Variants in NCKAP5 observed in about 807,000 individuals in gnomAD.
NCKAP5 encodes the protein NCK associated protein 5, also known as nck-associated protein 5.
A neutral mutation model predicts 167.0 loss-of-function variants in NCKAP5; 92 were observed. The ratio of observed to expected loss-of-function variants is 0.55; its 90% CI spans 0.47 to 0.66. NCKAP5 has a LOEUF of 0.66. NCKAP5 is among the 30% of genes least tolerant of loss of function. NCKAP5 has a pLI of 0.00. For synonymous variants in NCKAP5, 891 were observed against 877.4 expected, an observed-to-expected ratio of 1.02 and a Z score of -0.27; for missense variants, 2,378 against 2,315.0, an observed-to-expected ratio of 1.03 and a Z score of -0.56.
At chr2:133,004,008 G>T (rs1330203106) in intron 6 of NCKAP5, among the ~76,000 whole-genome samples, 1 of 152,160 alleles carries the variant, frequency 6.6e-6, no homozygotes, top group Non-Finnish European at 1.5e-5. Context: ...TGGAGTAGAA[G>T]GAACTCCCCT....
rs2083896529 is a variant in NCKAP5, at chr2:133,163,850, T to C, written c.208-33739A>G. ...TATGAGATGAATTCCAATTCAAAGA[T>C]TCCTGTTATTTGGAGCCAGTCCCGT... is the stretch of plus-strand genomic sequence containing the variant. On this transcript the variant is annotated intron_variant, in intron 5 of 19. Coordinates refer to ENST00000409261, the MANE Select transcript of NCKAP5 (RefSeq NM_207363.3). Among the ~76,000 whole-genome samples, 8 of 152,346 alleles carry C rather than the reference T, an allele frequency of 5.3e-5. No homozygotes were observed. In the South Asian group the frequency reaches 1.4e-3, roughly 28 times the overall value.
chr2:132,699,286 G>A (rs778761361), intron 19 of NCKAP5, among the ~76,000 whole-genome samples: 5 of 152,196 alleles, frequency 3.3e-5, no homozygotes, highest in Non-Finnish European at 5.9e-5. Context: ...CATGGATGAT[G>A]CATTCAGGCT....
intron 2 of NCKAP5, among the ~76,000 whole-genome samples, chr2:133,521,058 C>T (rs1684431590): frequency 6.6e-6 from 1 of 152,144 alleles, no homozygotes; most frequent in Non-Finnish European, 1.5e-5. Flanking sequence ...AACAAAATGG[C>T]AACCAGGATG....
At chr2:133,515,381 G>A (rs529558242) in intron 3 of NCKAP5, among the ~76,000 whole-genome samples, 1 of 152,280 alleles carries the variant, frequency 6.6e-6, no homozygotes, top group South Asian at 2.1e-4. Context: ...GATAGGAAAG[G>A]ACATCCTTTT....
chr2:133,231,286 G>A (rs2087135323), intron 4 of NCKAP5, among the ~76,000 whole-genome samples: 1 of 152,192 alleles, frequency 6.6e-6, no homozygotes, highest in African/African-American at 2.4e-5. Context: ...GGATGACTGT[G>A]TTTAAAAGGA....
At chr2:133,614,110 G>A in the NCKAP5 span, among the ~76,000 whole-genome samples, 6 of 152,242 alleles carry the variant, frequency 3.9e-5, no homozygotes, top group East Asian at 3.9e-4. Context: ...TAGAGAATCC[G>A]CAGAGCCTTT....
chr2:133,355,019 A>G (rs1032779973), intron 3 of NCKAP5, among the ~76,000 whole-genome samples: 1 of 152,244 alleles, frequency 6.6e-6, no homozygotes, highest in Non-Finnish European at 1.5e-5. Context: ...AGGCCTTCAC[A>G]TAGAATCAAA....
chr2:133,203,647 G>A (rs763594505), intron 5 of NCKAP5, among the ~76,000 whole-genome samples: 2 of 151,992 alleles, frequency 1.3e-5, no homozygotes, highest in African/African-American at 4.8e-5. Context: ...CTCTGCCTCC[G>A]GTATCTGACT....
the NCKAP5 span, among the ~76,000 whole-genome samples, chr2:133,648,435 C>G: frequency 6.6e-6 from 1 of 151,960 alleles, no homozygotes; most frequent in Non-Finnish European, 1.5e-5. Context: ...CCAAATATTC[C>G]AAACAAAAGC....
At chr2:133,632,142 CA>C in the NCKAP5 span, among the ~76,000 whole-genome samples, 1 of 152,122 alleles carries the variant, frequency 6.6e-6, no homozygotes, top group Admixed American at 6.5e-5. Context: ...GAGTGTTCAC[CA>C]GGGGGAGGAC....
chr2:132,938,984 GGAGGA>G (rs1160488989), intron 8 of NCKAP5, among the ~76,000 whole-genome samples: 1 of 152,132 alleles, frequency 6.6e-6, no homozygotes, highest in African/African-American at 2.4e-5. Flanking sequence ...AACAAGGACA[GGAGGA>G]GAGGAATTAC....
At chr2:133,189,517 T>C (rs2085111152) in intron 5 of NCKAP5, among the ~76,000 whole-genome samples, 1 of 152,132 alleles carries the variant, frequency 6.6e-6, no homozygotes, top group Admixed American at 6.5e-5. Context: ...CTGATGAACA[T>C]CGATTCAAAA....
rs572466604 is a variant in NCKAP5 at position 133,189,804 on chromosome 2, C to T, written c.207+23912G>A. Among the ~76,000 whole-genome samples, 3 of 152,242 alleles carry T rather than the reference C, an allele frequency of 2.0e-5. No homozygotes were observed. The South Asian group carries it at 6.2e-4, about 32-fold the overall frequency. On this transcript the variant is annotated intron_variant, in intron 5 of 19. Transcript: ENST00000409261. ...TAATAAGAGCTATTTATGACAAACC[C>T]ACAGCCAATATCATCCTGAATGGGC...
intron 6 of NCKAP5, among the ~76,000 whole-genome samples, chr2:133,035,287 A>C (rs979274626): frequency 1.3e-5 from 2 of 152,050 alleles, no homozygotes; most frequent in Admixed American, 1.3e-4. Context: ...AGCTAAAGAG[A>C]GGAATAGGCC....
intron 4 of NCKAP5, among the ~76,000 whole-genome samples, chr2:133,291,021 G>A (rs1007261757): frequency 6.6e-6 from 1 of 152,094 alleles, no homozygotes; most frequent in Admixed American, 6.6e-5. Flanking sequence ...TGCTTGGACA[G>A]TTTCTCCTCT....
intron 6 of NCKAP5, among the ~76,000 whole-genome samples, chr2:133,115,125 A>C (rs2082029640): frequency 6.6e-6 from 1 of 152,152 alleles, no homozygotes; most frequent in Non-Finnish European, 1.5e-5. Flanking sequence ...AATCCCCTAA[A>C]GGTTTTCCTG....
chr2:132,859,902 T>A (rs1354427417), intron 11 of NCKAP5, among the ~76,000 whole-genome samples: 1 of 152,134 alleles, frequency 6.6e-6, no homozygotes, highest in Non-Finnish European at 1.5e-5. Flanking sequence ...CAGCTTCAAA[T>A]CGACTCAAAT....
At chr2:132,745,547 G>A (rs1462169462) in intron 16 of NCKAP5, among the ~76,000 whole-genome samples, 1 of 151,850 alleles carries the variant, frequency 6.6e-6, no homozygotes, top group Admixed American at 6.6e-5. Context: ...AGCATGTTAA[G>A]AATGTTAGCT....
intron 8 of NCKAP5, among the ~76,000 whole-genome samples, chr2:132,922,986 C>T: frequency 6.6e-6 from 1 of 152,354 alleles, no homozygotes; most frequent in Non-Finnish European, 1.5e-5. Flanking sequence ...CTAAAATCAA[C>T]ACAACTGCAT....
Sources: allele counts gnomAD v4.1 joint callset (sites outside exome capture counted in the v4.1 genomes callset), GRCh38; gene constraint gnomAD v4.1.1; transcripts MANE v1.5; gene names NCBI Gene and HGNC (gene_info 2026-07-23, HGNC 2026-07-21).